Variants in CASC3 observed in about 807,000 individuals in gnomAD.
The protein encoded by CASC3 is protein CASC3.
A neutral mutation model predicts 80.5 loss-of-function variants in CASC3; 30 were observed. The observed-to-expected ratio is 0.37, with a 90% CI of 0.28 to 0.51. CASC3 has a LOEUF of 0.51. Among genes scored for constraint, CASC3 ranks in the 20% least tolerant of loss-of-function variants. The pLI is 0.94. For missense variants in CASC3, 824 were observed against 922.2 expected (o/e 0.89, Z 1.38); for synonymous variants, 312 against 333.6 (o/e 0.94, Z 0.70).
intron 3 of CASC3, among the ~76,000 whole-genome samples, chr17:40,149,620 A>G (rs1988948093): frequency 6.6e-6 from 1 of 152,232 alleles, no homozygotes; most frequent in African/African-American, 2.4e-5. Flanking sequence ...TTGACTGAGT[A>G]TATGAGAAAA....
chr17:40,152,683 T>A (rs1368596194), intron 3 of CASC3, among the ~76,000 whole-genome samples: 1 of 152,036 alleles, frequency 6.6e-6, no homozygotes, highest in Admixed American at 6.6e-5. Context: ...CCCAGGCTGG[T>A]CTTGAACTCA....
Position 40,168,437 on chromosome 17 carries a change from T to A in CASC3, c.1965+20T>A, listed in dbSNP as rs775126455. The A allele has an allele frequency of 6.3e-7, 1 of 1,598,590 alleles. No homozygotes were observed. The highest frequency in any genetic ancestry group is 1.1e-5 in the South Asian group (1 of 90,782). On this transcript the variant is annotated intron_variant, in intron 11 of 13. Coordinates refer to ENST00000264645, the MANE Select transcript of CASC3 (RefSeq NM_007359.5). ...ACACAGGTGAGATGGCTAATGATCATGTTTTTCTAGATACACATTCTTTAA... is the reference window on the plus strand; with the variant it reads ...ACACAGGTGAGATGGCTAATGATCAAGTTTTTCTAGATACACATTCTTTAA...
chr17:40,159,544 G>GTTTTTTTTT (rs368113645), intron 3 of CASC3, among the ~76,000 whole-genome samples: 2 of 112,852 alleles, frequency 1.8e-5, no homozygotes, highest in Non-Finnish European at 3.7e-5. Flanking sequence ...TTCATTGTGT[G>GTTTTTTTTT]TTTTTTTTTT....
chr17:40,144,038 G>A (rs570544058), intron 3 of CASC3, among the ~76,000 whole-genome samples: 107 of 151,978 alleles, frequency 7.0e-4, no homozygotes, highest in Middle Eastern at 3.4e-3. Context: ...AATCACCTGC[G>A]GTCAGGAGTT....
At chr17:40,155,267 G>T (rs1472858412) in intron 3 of CASC3, among the ~76,000 whole-genome samples, 2 of 145,606 alleles carry the variant, frequency 1.4e-5, no homozygotes, top group Non-Finnish European at 3.0e-5. Context: ...GTTTTGTTTT[G>T]TTTTTTTGAG....
In CASC3 at chr17:40,162,108, T is replaced by A. The variant is rs2145175435; in HGVS notation, c.563T>A (p.Phe188Tyr). The A allele has an allele frequency of 6.2e-7, 1 of 1,613,770 alleles. No individual in the cohort carries two copies. Among genetic ancestry groups the A allele is most frequent in the Non-Finnish European group, 8.5e-7 (1 of 1,179,874 alleles). Reference sequence around the variant, plus strand: ...GCATACATACCTCGGAAAGGGCTCTTCTTTGAGCATGATCTTCGAGGGCAA... The same window carrying A: ...GCATACATACCTCGGAAAGGGCTCTACTTTGAGCATGATCTTCGAGGGCAA... ...NPAYIPRKGL[F>Y]FEHDLRGQTQ... Residue 188 changes from phenylalanine to tyrosine, a missense_variant, in exon 5 of 14, where the codon TTC (phenylalanine) becomes TAC (tyrosine). Around this residue, in one of 3 missense-constraint regions of CASC3, gnomAD observed 201 missense variants for 294.1 expected, o/e 0.68. Transcript: ENST00000264645.
intron 6 of CASC3, 106 bp downstream of exon 6, chr17:40,163,007 G>A (rs1989343566): frequency 9.5e-6 from 9 of 945,182 alleles, no homozygotes; most frequent in African/African-American, 3.3e-5. Context: ...GATTGCTTGA[G>A]GCCAGGAGTT....
chr17:40,169,254 A>G, intron 11 of CASC3, 70 bp from the exon 12 acceptor site: 4 of 1,387,138 alleles, frequency 2.9e-6, no homozygotes, highest in Non-Finnish European at 2.8e-6. Context: ...GCTGAATAAT[A>G]TTTCCTGTTC....
At position 40,167,832 on chromosome 17, in the gene CASC3, C is replaced by T. The variant is rs187384175; in HGVS notation, c.1652-18C>T. 38 of 1,601,740 alleles carry T rather than the reference C, an allele frequency of 2.4e-5. No homozygotes were observed. The highest frequency in any genetic ancestry group is 1.7e-4 in the Middle Eastern group (1 of 6,050). On this transcript the variant is annotated intron_variant, in intron 9 of 13. Transcript: ENST00000264645. ...GAAGAGTAAGGGTTTATGAGAGTCC[C>T]AATGTGATATCTTACAGTGCAGTTC... is the stretch of plus-strand genomic sequence containing the variant.
At chr17:40,141,297 A>C in intron 2 of CASC3, 63 bp downstream of exon 2, 1 of 1,439,686 alleles carries the variant, frequency 6.9e-7, no homozygotes, top group Non-Finnish European at 9.8e-7. Context: ...CAGGTCATCT[A>C]TTTCCAACAT....
chr17:40,152,595 C>CA, intron 3 of CASC3, among the ~76,000 whole-genome samples: 1 of 152,070 alleles, frequency 6.6e-6, no homozygotes, highest in East Asian at 1.9e-4. Context: ...GCTGGGATTA[C>CA]AGGCGTGAGC....
chr17:40,150,881 C>T (rs1408538856), intron 3 of CASC3, among the ~76,000 whole-genome samples: 2 of 151,966 alleles, frequency 1.3e-5, no homozygotes, highest in Admixed American at 6.6e-5. Context: ...GATGTGGTGG[C>T]GGGCACCTGT....
chr17:40,170,441 T>C lies in CASC3; in HGVS notation c.*42-6T>C. 1.0e-6 allele frequency: 1 copy of C among 985,622 alleles called. No individual in the cohort carries two copies. Among genetic ancestry groups the C allele is most frequent in the Non-Finnish European group, 1.2e-6 (1 of 829,968 alleles). The allele number at this position is 985,622 out of a possible 1,614,324, so 61.1% of individuals were successfully genotyped here. ...GTGGTTCTTCCCTTTTTCCAACCCC[T>C]GTCAGAGCAGCAGAGGTGAGAACTC... On this transcript the variant is annotated splice_region_variant and splice_polypyrimidine_tract_variant and intron_variant, in intron 13 of 13. Transcript: ENST00000264645.
At chr17:40,168,457 CTTTAA>C in intron 11 of CASC3, 40 bp downstream of exon 11, 1 of 1,553,578 alleles carries the variant, frequency 6.4e-7, no homozygotes, top group Non-Finnish European at 8.9e-7. Flanking sequence ...GATACACATT[CTTTAA>C]TTCAGACAGG....
At position 40,170,976 on chromosome 17, in the gene CASC3, C is replaced by T. The variant is rs367911383; in HGVS notation, c.*571C>T. 6.8e-5 allele frequency: 67 copies of T among 985,470 alleles called. No homozygotes were observed. The South Asian group carries it at 2.9e-3, about 43-fold the overall frequency. The allele number at this position is 985,470 out of a possible 1,614,324, so 61.0% of individuals were successfully genotyped here. A position where few individuals can be genotyped will look rare whatever the true frequency, so the allele number is the denominator to read the frequency against. On this transcript the variant is annotated 3_prime_UTR_variant, in exon 14 of 14. Transcript: ENST00000264645. ...AGATAATGGAGAATGTATCAGCCAG[C>T]CTTCCCCACCAAGTCTAAAAAGACC...
At chr17:40,164,306 C>G (rs1989389304) in intron 7 of CASC3, 140 bp downstream of exon 7, 3 of 798,012 alleles carry the variant, frequency 3.8e-6, no homozygotes, top group Non-Finnish European at 3.8e-6. Context: ...CTCTTTTGCC[C>G]AGGCTGGAGT....
At chr17:40,149,801 C>T (rs963281397) in intron 3 of CASC3, among the ~76,000 whole-genome samples, 2 of 150,698 alleles carry the variant, frequency 1.3e-5, no homozygotes, top group African/African-American at 4.9e-5. Flanking sequence ...GTCAGGAGAT[C>T]GAGACCATCC....
chr17:40,151,397 A>T (rs1473682758), intron 3 of CASC3, among the ~76,000 whole-genome samples: 1 of 152,046 alleles, frequency 6.6e-6, no homozygotes, highest in Non-Finnish European at 1.5e-5. Flanking sequence ...TTTTTAGTAG[A>T]GATGGAATTT....
intron 3 of CASC3, among the ~76,000 whole-genome samples, chr17:40,155,413 C>T (rs143278406): frequency 6.6e-5 from 10 of 152,240 alleles, no homozygotes; most frequent in East Asian, 1.9e-4. Context: ...TGAGCCACCA[C>T]GCTCAGCTAA....
Sources: allele counts gnomAD v4.1 joint callset (sites outside exome capture counted in the v4.1 genomes callset), GRCh38; gene constraint gnomAD v4.1.1; regional missense constraint gnomAD v4.1.1; transcripts MANE v1.5; gene names NCBI Gene and HGNC (gene_info 2026-07-23, HGNC 2026-07-21).